Variants in DNAH9 observed in about 807,000 individuals in gnomAD.
DNAH9 encodes dynein axonemal heavy chain 9, also known as DNAH9 variant protein.
A neutral mutation model predicts 471.6 loss-of-function variants in DNAH9; 345 were observed. That is an observed-to-expected ratio of 0.73 (90% CI 0.67 to 0.80). The LOEUF is 0.80. Ranked by LOEUF, DNAH9 falls within the 30% of genes least tolerant of loss-of-function variation. DNAH9 has a pLI of 0.00. For synonymous variants in DNAH9, 2,093 were observed against 2,123.6 expected (o/e 0.99, Z 0.40); for missense variants, 5,407 against 5,609.2 (o/e 0.96, Z 1.15).
At chr17:11,931,968 T>A (rs369108911) in intron 63 of DNAH9, 46 bp from the exon 64 acceptor site, 214 of 1,601,190 alleles carry the variant, frequency 1.3e-4, no homozygotes, top group Non-Finnish European at 1.8e-4. Context: ...CAGCCCCGTA[T>A]AAGAGAAGTT....
intron 14 of DNAH9, among the ~76,000 whole-genome samples, 181 bp downstream of exon 14, chr17:11,653,183 T>C (rs560375044): frequency 5.9e-5 from 9 of 152,336 alleles, no homozygotes. Flanking sequence ...AAAAGTTGCA[T>C]TTTGGTATCA....
intron 35 of DNAH9, among the ~76,000 whole-genome samples, chr17:11,762,550 G>A (rs1275279593): frequency 6.6e-6 from 1 of 152,136 alleles, no homozygotes; most frequent in Non-Finnish European, 1.5e-5. Context: ...CCAGGGCAGA[G>A]TTACAGAGGT....
At chr17:11,931,913 G>A in intron 63 of DNAH9, 101 bp from the exon 64 acceptor site, 1 of 1,351,080 alleles carries the variant, frequency 7.4e-7, no homozygotes, top group Admixed American at 1.9e-5. Context: ...CAGAATATAT[G>A]GTAATGTTTT....
At position 11,892,631 on chromosome 17, in the gene DNAH9, A is replaced by G. The variant is rs767153669; in HGVS notation, c.11283+684A>G. On this transcript the variant is annotated intron_variant, in intron 58 of 68. Transcript: ENST00000262442. This position sits in a 1 kb window ranked among gnomAD's most constrained non-coding sequence, Gnocchi z 4.3. ...AGTGGTGTGATCCTGGCTCACTGCA[A>G]TCTCCACCTCCCCAGTTCAAGTGAT... is the stretch of plus-strand genomic sequence containing the variant. Among the ~76,000 whole-genome samples the G allele has an allele frequency of 3.9e-5, 6 of 151,946 alleles. No homozygotes were observed. The highest frequency in any genetic ancestry group is 7.4e-5 in the Non-Finnish European group (5 of 67,982).
intron 63 of DNAH9, among the ~76,000 whole-genome samples, chr17:11,931,201 C>T (rs1003974673): frequency 2.0e-5 from 3 of 152,172 alleles, no homozygotes; most frequent in African/African-American, 7.2e-5. Flanking sequence ...CCACACCACG[C>T]CTGGGTGGAA....
chr17:11,669,535 G>C lies in DNAH9; in HGVS notation c.3094G>C (p.Gly1032Arg). Residue 1032 changes from glycine to arginine, a missense_variant, in exon 17 of 69, where the codon GGG (glycine) becomes CGG (arginine). Around this residue, in one of 3 missense-constraint regions of DNAH9, gnomAD observed 4,636 missense variants for 4,900.3 expected, o/e 0.95. Coordinates refer to ENST00000262442, the MANE Select transcript of DNAH9 (RefSeq NM_001372.4). ...GGTTCTGGGTCAGTTTCTGCTGTAC[G>C]GGCACATCCTCACTCCGGAAGAAAT... ...KEVLGQFLLYGHILTPEEIED... is the reference protein window; with the variant it reads ...KEVLGQFLLYRHILTPEEIED... The C allele has an allele frequency of 6.2e-7, 1 of 1,614,058 alleles. No individual in the cohort carries two copies. Among genetic ancestry groups the C allele is most frequent in the South Asian group, 1.1e-5 (1 of 91,076 alleles).
chr17:11,784,186 C>G, intron 40 of DNAH9, 114 bp from the exon 41 acceptor site: 1 of 1,525,364 alleles, frequency 6.6e-7, no homozygotes, highest in Non-Finnish European at 8.9e-7. Flanking sequence ...GAGATGGGAC[C>G]AAAATATAGA....
Position 11,874,799 on chromosome 17 carries a change from G to A in DNAH9, c.10243-150G>A. On this transcript the variant is annotated intron_variant, in intron 52 of 68. Transcript: ENST00000262442. ...AGGACTTTAATAGAACCTGCTTCCA[G>A]AAATAATCACACAGCCAGAAAGGCA... 6.4e-6 allele frequency: 4 copies of A among 629,602 alleles called. No individual in the cohort carries two copies. The East Asian group carries it at 1.1e-4, about 17-fold the overall frequency. 39.0% of individuals were successfully genotyped at this position (629,602 alleles called of 1,614,324 possible).
chr17:11,669,978 C>T (rs987699532), intron 17 of DNAH9, among the ~76,000 whole-genome samples, 184 bp downstream of exon 17: 6 of 152,154 alleles, frequency 3.9e-5, no homozygotes, highest in Admixed American at 3.9e-4. Context: ...CTTTGTTCAC[C>T]AGATAAGGCC....
intron 38 of DNAH9, among the ~76,000 whole-genome samples, chr17:11,777,532 G>T (rs991534907): frequency 9.2e-5 from 14 of 152,218 alleles, no homozygotes; most frequent in Non-Finnish European, 1.5e-4. Flanking sequence ...GCATCAATGG[G>T]CTTATAGTTT....
At chr17:11,866,978 G>A (rs144790203) in intron 50 of DNAH9, among the ~76,000 whole-genome samples, 143 of 152,346 alleles carry the variant, frequency 9.4e-4, no homozygotes, top group African/African-American at 3.1e-3. Flanking sequence ...CTTCCCGAGC[G>A]AGGCAATGCC....
At chr17:11,819,818 G>T (rs1970247497) in intron 45 of DNAH9, among the ~76,000 whole-genome samples, 1 of 152,148 alleles carries the variant, frequency 6.6e-6, no homozygotes, top group Admixed American at 6.5e-5. Context: ...ATTTGGACAT[G>T]ACTAAAAGCA....
intron 56 of DNAH9, 41 bp downstream of exon 56, chr17:11,883,791 GGGGTCCT>G: frequency 6.3e-7 from 1 of 1,586,622 alleles, no homozygotes. Flanking sequence ...AGCCTAGGCT[GGGGTCCT>G]CCTACAATTT....
chr17:11,603,800 G>T (rs1291954008), intron 1 of DNAH9, among the ~76,000 whole-genome samples: 2 of 152,108 alleles, frequency 1.3e-5, no homozygotes, highest in East Asian at 3.9e-4. Context: ...TCACAGAAGA[G>T]GAATAAAATA....
intron 43 of DNAH9, among the ~76,000 whole-genome samples, chr17:11,800,189 CA>C (rs1472248537): frequency 6.6e-6 from 1 of 152,138 alleles, no homozygotes; most frequent in African/African-American, 2.4e-5. Flanking sequence ...GTCTTCCCGT[CA>C]TCAAATCTAA....
chr17:11,676,275 CTTTTTTTTTTTTTT>C (rs67397847), intron 17 of DNAH9, among the ~76,000 whole-genome samples: 2 of 73,882 alleles, frequency 2.7e-5, no homozygotes, highest in Non-Finnish European at 5.2e-5. Flanking sequence ...CATTTCTGTT[CTTTTTTTTTTTTTT>C]TTTTTTTTTT....
intron 49 of DNAH9, among the ~76,000 whole-genome samples, chr17:11,841,655 G>A (rs915416913): frequency 3.9e-5 from 6 of 152,154 alleles, no homozygotes; most frequent in Admixed American, 3.9e-4. Flanking sequence ...TACATTGTCA[G>A]GGTGAAATTC....
At chr17:11,649,479 G>A (rs185160655) in intron 12 of DNAH9, among the ~76,000 whole-genome samples, 1 of 152,136 alleles carries the variant, frequency 6.6e-6, no homozygotes, top group East Asian at 1.9e-4. Context: ...ATAAAGCATG[G>A]TATAAATAAT....
chr17:11,914,616 G>T (rs1408620613), intron 61 of DNAH9, among the ~76,000 whole-genome samples: 4 of 152,060 alleles, frequency 2.6e-5, no homozygotes, highest in Non-Finnish European at 5.9e-5. Flanking sequence ...GTTTTTCAAG[G>T]TCCAAAATGG....
Sources: allele counts gnomAD v4.1 joint callset (sites outside exome capture counted in the v4.1 genomes callset), GRCh38; gene constraint gnomAD v4.1.1; regional missense constraint gnomAD v4.1.1; non-coding constraint Gnocchi (gnomAD v3.1); transcripts MANE v1.5; gene names NCBI Gene and HGNC (gene_info 2026-07-23, HGNC 2026-07-21).